BLTP2: variants seen among roughly 807,000 people sequenced by gnomAD.
BLTP2 encodes the protein bridge-like lipid transfer protein family member 2, also known as U937-associated antigen.
At chr17:28,643,436 TAGCAGTTATC>T in the BLTP2 span, 1 of 1,425,022 alleles carries the variant, frequency 7.0e-7, no homozygotes, top group Non-Finnish European at 9.8e-7. Flanking sequence ...ATTAGTTTCA[TAGCAGTTATC>T]AATATCTTCC....
the BLTP2 span, chr17:28,615,030 C>A: frequency 6.3e-7 from 1 of 1,584,696 alleles, no homozygotes; most frequent in South Asian, 1.2e-5. Context: ...GAGCCAGAGT[C>A]AGATCCTGTA....
the BLTP2 span, chr17:28,639,415 T>TG: frequency 6.2e-7 from 1 of 1,613,848 alleles, no homozygotes; most frequent in Non-Finnish European, 8.5e-7. Flanking sequence ...TAGTGAATGA[T>TG]GCAAGTGTTC....
the BLTP2 span, chr17:28,644,933 T>C: frequency 6.9e-7 from 1 of 1,444,172 alleles, no homozygotes; most frequent in East Asian, 2.5e-5. Context: ...CTTCCTCCTC[T>C]CCGCCCCCTC....
the BLTP2 span, chr17:28,634,557 C>A: frequency 1.2e-6 from 2 of 1,614,012 alleles, no homozygotes; most frequent in Admixed American, 1.7e-5. Flanking sequence ...TTCGACACCA[C>A]TGAATGACAA....
the BLTP2 span, chr17:28,640,575 A>C: frequency 6.2e-7 from 1 of 1,614,094 alleles, no homozygotes; most frequent in Non-Finnish European, 8.5e-7. Flanking sequence ...TTGACTATTC[A>C]TGGACAATAC....
chr17:28,639,510 C>G, the BLTP2 span: 1 of 1,613,508 alleles, frequency 6.2e-7, no homozygotes, highest in Middle Eastern at 1.6e-4. Flanking sequence ...TTCACAAACT[C>G]AAAACGAAAT....
At chr17:28,616,183 G>A in the BLTP2 span, 17 of 1,614,018 alleles carry the variant, frequency 1.1e-5, no homozygotes, top group Admixed American at 6.7e-5. This position sits in a 1 kb window ranked among gnomAD's most constrained non-coding sequence, Gnocchi z 4.8. Context: ...TCTTGTCAAT[G>A]TCATCCACAG....
At chr17:28,638,302 T>C in the BLTP2 span, 1 of 1,613,464 alleles carries the variant, frequency 6.2e-7, no homozygotes, top group Non-Finnish European at 8.5e-7. Flanking sequence ...ACATGCATAT[T>C]GGGTGGGTGT....
the BLTP2 span, chr17:28,635,767 TAGCACTA>T: frequency 2.9e-6 from 2 of 700,164 alleles, no homozygotes; most frequent in Non-Finnish European, 4.6e-6. Flanking sequence ...TTGTTCCTGT[TAGCACTA>T]ATGTGCTGAG....
chr17:28,643,151 G>A, the BLTP2 span: 3 of 1,614,024 alleles, frequency 1.9e-6, no homozygotes, highest in African/African-American at 2.7e-5. Flanking sequence ...GATAGCAGGA[G>A]AAGTTGTCTC....
the BLTP2 span, chr17:28,641,804 T>C: frequency 1.7e-6 from 2 of 1,183,054 alleles, no homozygotes; most frequent in Non-Finnish European, 2.4e-6. Flanking sequence ...CACATCTAAA[T>C]AAGCAGTGAG....
the BLTP2 span, chr17:28,624,027 G>A: frequency 1.5e-5 from 22 of 1,502,264 alleles, 1 homozygote; most frequent in South Asian, 1.8e-4. Flanking sequence ...TGAGCACATT[G>A]TATCAACCAC....
chr17:28,621,224 T>C, the BLTP2 span: 1 of 1,566,684 alleles, frequency 6.4e-7, no homozygotes, highest in Non-Finnish European at 8.8e-7. Context: ...AAAGATAATG[T>C]GAGAGCCTCC....
At chr17:28,628,592 T>C in the BLTP2 span, 17 of 1,588,460 alleles carry the variant, frequency 1.1e-5, no homozygotes, top group African/African-American at 6.7e-5. Context: ...CAGGGTAGCA[T>C]GGAAATTGCC....
chr17:28,615,826 A>C, the BLTP2 span: 1 of 1,612,692 alleles, frequency 6.2e-7, no homozygotes, highest in Non-Finnish European at 8.5e-7. Context: ...GGGGAAAGAA[A>C]AAAAGAGGGG....
the BLTP2 span, chr17:28,640,306 T>C: frequency 2.0e-6 from 1 of 500,060 alleles, no homozygotes; most frequent in African/African-American, 1.9e-5. Flanking sequence ...GGCAGGAGAA[T>C]CGCTTGAACC....
chr17:28,627,913 G>A, the BLTP2 span, among the ~76,000 whole-genome samples: 3 of 151,742 alleles, frequency 2.0e-5, no homozygotes, highest in Non-Finnish European at 2.9e-5. Context: ...CACCCACCTC[G>A]GCCTCCAAAA....
the BLTP2 span, among the ~76,000 whole-genome samples, chr17:28,641,209 T>C: frequency 1.3e-5 from 2 of 152,314 alleles, no homozygotes; most frequent in South Asian, 2.1e-4. Flanking sequence ...CTGCAAATAT[T>C]GGCATTTTCC....
the BLTP2 span, among the ~76,000 whole-genome samples, chr17:28,644,476 C>A: frequency 0.021 from 3,228 of 152,326 alleles, 51 homozygotes; most frequent in Non-Finnish European, 0.03. Context: ...AGAGAGAAGA[C>A]CCCAGCAAGA....
Sources: gnomAD v4.1 joint callset for allele counts (sites outside exome capture counted in the v4.1 genomes callset) on GRCh38, gnomAD v4.1.1 for gene constraint, Gnocchi (gnomAD v3.1) non-coding constraint, MANE v1.5 for transcripts, NCBI Gene and HGNC (gene_info 2026-07-23, HGNC 2026-07-21) for gene names.